Variants in SV2C observed in about 807,000 individuals in gnomAD.
SV2C encodes solute carrier family 22 member B3.
Under a neutral mutation model 79.7 loss-of-function variants are expected in SV2C, and 49 were observed. That is an observed-to-expected ratio of 0.61 (90% confidence interval 0.49 to 0.78). The LOEUF is 0.78. Among genes scored for constraint, SV2C ranks in the 30% least tolerant of loss-of-function variants. SV2C has a pLI of 0.00. For missense variants in SV2C, 833 were observed against 912.9 expected (o/e 0.91, Z 1.13); for synonymous variants, 334 against 333.2 (o/e 1.00, Z -0.03).
chr5:76,233,349 T>C (rs1387474846), intron 4 of SV2C, among the ~76,000 whole-genome samples: 2 of 139,862 alleles, frequency 1.4e-5, no homozygotes, highest in Non-Finnish European at 3.0e-5. Context: ...GCTGAGACAA[T>C]GGGGTTTTCT....
At chr5:76,182,163 T>C (rs1463809129) in intron 2 of SV2C, among the ~76,000 whole-genome samples, 1 of 152,212 alleles carries the variant, frequency 6.6e-6, no homozygotes. Context: ...CACTGCTTTA[T>C]TGATTTGCAT....
chr5:76,132,876 G>A (rs1446721928), intron 2 of SV2C, among the ~76,000 whole-genome samples: 1 of 151,708 alleles, frequency 6.6e-6, no homozygotes, highest in African/African-American at 2.4e-5. Context: ...AGCCTTATTC[G>A]TATAATTTTC....
intron 2 of SV2C, among the ~76,000 whole-genome samples, chr5:76,159,636 T>C (rs1278340153): frequency 6.6e-6 from 1 of 152,132 alleles, no homozygotes; most frequent in East Asian, 1.9e-4. Flanking sequence ...GGTTTGTAGA[T>C]GCATCACTCC....
At chr5:75,909,190 C>T in the SV2C span, among the ~76,000 whole-genome samples, 2 of 152,206 alleles carry the variant, frequency 1.3e-5, no homozygotes, top group Non-Finnish European at 2.9e-5. Flanking sequence ...ATGCAAAGCA[C>T]AGCAAAATGT....
chr5:76,242,494 G>T, intron 4 of SV2C: 1 of 473,126 alleles, frequency 2.1e-6, no homozygotes, highest in Non-Finnish European at 4.0e-6. Flanking sequence ...AGCCCAGTTT[G>T]CACTTTTAAT....
At chr5:76,021,235 G>A in the SV2C span, among the ~76,000 whole-genome samples, 2 of 152,148 alleles carry the variant, frequency 1.3e-5, no homozygotes, top group South Asian at 2.1e-4. Flanking sequence ...AATAATGCAA[G>A]TTATGTTAAC....
At chr5:76,041,157 C>T in the SV2C span, among the ~76,000 whole-genome samples, 2 of 152,198 alleles carry the variant, frequency 1.3e-5, no homozygotes, top group Admixed American at 1.3e-4. Flanking sequence ...AGCCCACATT[C>T]TGTTTGTGCA....
At chr5:76,200,973 G>T (rs1744423314) in intron 3 of SV2C, among the ~76,000 whole-genome samples, 1 of 152,062 alleles carries the variant, frequency 6.6e-6, no homozygotes, top group Non-Finnish European at 1.5e-5. Flanking sequence ...GATCTACTTG[G>T]GTTTATATTT....
the SV2C span, among the ~76,000 whole-genome samples, chr5:76,048,961 A>AAAG: frequency 1.7e-5 from 2 of 120,976 alleles, no homozygotes; most frequent in Admixed American, 9.3e-5. Context: ...GAGAGAAAGA[A>AAAG]AAAGAGAAAG....
chr5:76,214,970 T>G (rs1040132966), intron 4 of SV2C, among the ~76,000 whole-genome samples: 7 of 152,236 alleles, frequency 4.6e-5, no homozygotes, highest in African/African-American at 1.7e-4. Flanking sequence ...AACATACTCT[T>G]GTTTTACTTC....
intron 3 of SV2C, among the ~76,000 whole-genome samples, chr5:76,202,015 C>CAAAAAAAAAAAA (rs373279209): frequency 1.2e-4 from 10 of 82,118 alleles, no homozygotes; most frequent in Non-Finnish European, 1.9e-4. Flanking sequence ...GACTCCATCT[C>CAAAAAAAAAAAA]AAAAAAAAAA....
At chr5:75,936,531 T>C in the SV2C span, among the ~76,000 whole-genome samples, 1 of 152,210 alleles carries the variant, frequency 6.6e-6, no homozygotes, top group Non-Finnish European at 1.5e-5. Flanking sequence ...GCCAATTTTA[T>C]ATCTAAAGGC....
the SV2C span, among the ~76,000 whole-genome samples, chr5:75,872,704 A>G: frequency 2.6e-5 from 4 of 152,150 alleles, no homozygotes; most frequent in Non-Finnish European, 4.4e-5. Context: ...TTTATAATTT[A>G]TCATGAAATA....
At chr5:76,317,334 C>A (rs926971064) in intron 12 of SV2C, among the ~76,000 whole-genome samples, 3 of 152,166 alleles carry the variant, frequency 2.0e-5, no homozygotes, top group East Asian at 3.8e-4. Flanking sequence ...ATGCCCCATG[C>A]TGAGTCTTGA....
intron 12 of SV2C, among the ~76,000 whole-genome samples, chr5:76,344,957 C>G (rs984456901): frequency 6.6e-6 from 1 of 152,176 alleles, no homozygotes; most frequent in African/African-American, 2.4e-5. Context: ...AGGCACAATT[C>G]AACCCTAAGT....
At chr5:76,147,572 G>A (rs559727127) in intron 2 of SV2C, among the ~76,000 whole-genome samples, 28 of 152,340 alleles carry the variant, frequency 1.8e-4, no homozygotes, top group African/African-American at 6.7e-4. Flanking sequence ...TTCCTGTTGA[G>A]CTTCCTGGGG....
intron 1 of SV2C, among the ~76,000 whole-genome samples, chr5:76,098,626 A>G (rs1188769511): frequency 6.6e-6 from 1 of 152,274 alleles, no homozygotes; most frequent in Non-Finnish European, 1.5e-5. Flanking sequence ...GCCTTTTGGC[A>G]TACAGATGTG....
chr5:76,207,258 C>T (rs1037989865), intron 3 of SV2C, among the ~76,000 whole-genome samples: 1 of 152,038 alleles, frequency 6.6e-6, no homozygotes, highest in African/African-American at 2.4e-5. Context: ...ACAATAGTGC[C>T]TTCATGAAGC....
the SV2C span, among the ~76,000 whole-genome samples, chr5:75,868,927 C>T: frequency 6.6e-6 from 1 of 152,310 alleles, no homozygotes; most frequent in South Asian, 2.1e-4. Context: ...AGATTAACAT[C>T]ATAAGCATGA....
Sources: gnomAD v4.1 joint callset for allele counts (sites outside exome capture counted in the v4.1 genomes callset) on GRCh38, gnomAD v4.1.1 for gene constraint, MANE v1.5 for transcripts, NCBI Gene and HGNC (gene_info 2026-07-23, HGNC 2026-07-21) for gene names.